Variants in AUTS2 observed in about 807,000 individuals in gnomAD.
The protein encoded by AUTS2 is activator of transcription and developmental regulator AUTS2.
AUTS2 carries 17 observed loss-of-function variants against 112.4 expected under a neutral mutation model. The observed-to-expected ratio is 0.15, with a 90% CI of 0.10 to 0.23. The LOEUF (loss-of-function observed/expected upper bound fraction) is 0.23. Ranked by LOEUF, AUTS2 falls within the 10% of genes least tolerant of loss-of-function variation. The probability of loss-of-function intolerance (pLI) is 1.00; values close to 1 mark genes in which losing one functional copy is unlikely to be tolerated. For synonymous variants in AUTS2, 751 were observed against 702.7 expected (o/e 1.07, Z -1.09); for missense variants, 1,510 against 1,701.6 (o/e 0.89, Z 1.98).
intron 2 of AUTS2, among the ~76,000 whole-genome samples, chr7:70,078,965 T>A (rs752554054): frequency 7.2e-5 from 11 of 152,212 alleles, no homozygotes; most frequent in Non-Finnish European, 1.3e-4. Flanking sequence ...CAAGACTATA[T>A]CTTTGCTTTT....
At chr7:69,980,461 C>T (rs533183644) in intron 2 of AUTS2, among the ~76,000 whole-genome samples, 57 of 152,256 alleles carry the variant, frequency 3.7e-4, no homozygotes, top group Middle Eastern at 6.8e-3. Context: ...ATTCAAATTG[C>T]ATTCACTGTA....
intron 2 of AUTS2, among the ~76,000 whole-genome samples, chr7:70,096,769 A>T (rs549243095): frequency 1.3e-4 from 20 of 152,190 alleles, no homozygotes; most frequent in Non-Finnish European, 2.5e-4. Flanking sequence ...GAAGGAGGAT[A>T]ATGCTGAGTT....
At chr7:70,085,183 T>C (rs1177389751) in intron 2 of AUTS2, among the ~76,000 whole-genome samples, 1 of 152,188 alleles carries the variant, frequency 6.6e-6, no homozygotes, top group Non-Finnish European at 1.5e-5. Context: ...TCAACTTCTT[T>C]TTATGGGTCA....
At chr7:70,713,908 A>G (rs1037522015) in intron 6 of AUTS2, among the ~76,000 whole-genome samples, 5 of 151,796 alleles carry the variant, frequency 3.3e-5, no homozygotes, top group African/African-American at 4.8e-5. Context: ...AAAAAAAAAA[A>G]AGATACAGCT....
At chr7:70,205,160 C>G (rs950152429) in intron 4 of AUTS2, among the ~76,000 whole-genome samples, 1 of 152,130 alleles carries the variant, frequency 6.6e-6, no homozygotes, top group Non-Finnish European at 1.5e-5. Context: ...CCTGCCTCAG[C>G]CTCCCAAGAA....
intron 2 of AUTS2, among the ~76,000 whole-genome samples, chr7:69,963,375 A>C (rs1479748509): frequency 2.6e-5 from 4 of 152,140 alleles, no homozygotes; most frequent in African/African-American, 9.7e-5. Flanking sequence ...ATCTTTCACC[A>C]CTTAACACCT....
intron 2 of AUTS2, among the ~76,000 whole-genome samples, chr7:69,921,327 GTTTTTTTTT>G (rs11289784): frequency 8.8e-5 from 8 of 90,406 alleles, no homozygotes; most frequent in African/African-American, 2.5e-4. Context: ...TAGACTTGAA[GTTTTTTTTT>G]TTTTTTTTTT....
chr7:70,253,846 A>G (rs529492281), intron 4 of AUTS2, among the ~76,000 whole-genome samples: 9 of 151,938 alleles, frequency 5.9e-5, no homozygotes, highest in Non-Finnish European at 1.2e-4. Flanking sequence ...TTCATCTAGC[A>G]CTGAATGTGT....
At chr7:70,668,499 C>T (rs1169112324) in intron 5 of AUTS2, among the ~76,000 whole-genome samples, 1 of 152,230 alleles carries the variant, frequency 6.6e-6, no homozygotes, top group African/African-American at 2.4e-5. Flanking sequence ...TGAACTTATT[C>T]TAGAAATATC....
At chr7:69,707,210 C>A (rs1421690493) in intron 1 of AUTS2, among the ~76,000 whole-genome samples, 2 of 152,128 alleles carry the variant, frequency 1.3e-5, no homozygotes, top group Admixed American at 1.3e-4. Flanking sequence ...CATTATCAGA[C>A]CTCATCTGCA....
chr7:70,462,505 A>G (rs1797006782), intron 5 of AUTS2, among the ~76,000 whole-genome samples: 2 of 152,234 alleles, frequency 1.3e-5, no homozygotes, highest in South Asian at 4.2e-4. Context: ...GTTGGAGGAG[A>G]AACTAGCCAA....
chr7:70,059,412 G>A (rs1802139774), intron 2 of AUTS2, among the ~76,000 whole-genome samples: 2 of 152,014 alleles, frequency 1.3e-5, no homozygotes, highest in South Asian at 4.2e-4. Context: ...ACCTAATCTT[G>A]GTTGCTTCCA....
intron 9 of AUTS2, among the ~76,000 whole-genome samples, chr7:70,767,610 G>C (rs1196680343): frequency 6.6e-6 from 1 of 152,154 alleles, no homozygotes; most frequent in Non-Finnish European, 1.5e-5. Context: ...ATACATTTCA[G>C]AAGACAGCTG....
chr7:70,180,562 C>T (rs774436861), intron 4 of AUTS2, among the ~76,000 whole-genome samples: 1 of 152,218 alleles, frequency 6.6e-6, no homozygotes, highest in African/African-American at 2.4e-5. Context: ...CTCACTAGCA[C>T]TAGCTCCCTA....
intron 5 of AUTS2, among the ~76,000 whole-genome samples, chr7:70,679,474 A>G (rs2129545008): frequency 6.6e-6 from 1 of 152,210 alleles, no homozygotes; most frequent in African/African-American, 2.4e-5. Context: ...TCCATTACCA[A>G]ATTCTGGGGT....
intron 5 of AUTS2, among the ~76,000 whole-genome samples, chr7:70,646,487 C>T (rs1164750050): frequency 6.6e-6 from 1 of 152,220 alleles, no homozygotes; most frequent in Admixed American, 6.5e-5. Flanking sequence ...ATGTCAGAGG[C>T]CATTCAACTG....
chr7:69,905,149 C>G (rs547561170), intron 2 of AUTS2, among the ~76,000 whole-genome samples: 1 of 152,040 alleles, frequency 6.6e-6, no homozygotes, highest in East Asian at 1.9e-4. Context: ...TGCTGTGAGC[C>G]CTGAATGTTG....
chr7:70,153,983 C>T (rs774302058), intron 4 of AUTS2, among the ~76,000 whole-genome samples: 38 of 152,318 alleles, frequency 2.5e-4, no homozygotes, highest in Admixed American at 7.2e-4. Context: ...CTTCATTGAA[C>T]CACTGCTGTC....
intron 1 of AUTS2, among the ~76,000 whole-genome samples, chr7:69,624,232 G>C (rs1415512034): frequency 6.6e-6 from 1 of 152,120 alleles, no homozygotes; most frequent in East Asian, 1.9e-4. Context: ...ATTATCTTCT[G>C]ACTCTAATAA....
Sources: gnomAD v4.1 joint callset for allele counts (sites outside exome capture counted in the v4.1 genomes callset) on GRCh38, gnomAD v4.1.1 for gene constraint, MANE v1.5 for transcripts, NCBI Gene and HGNC (gene_info 2026-07-23, HGNC 2026-07-21) for gene names.